The following TMCO5A variants were observed in gnomAD, a reference collection of about 807,000 sequenced individuals.
TMCO5A encodes transmembrane and coiled-coil domains 5A.
A neutral mutation model predicts 42.3 loss-of-function variants in TMCO5A; 34 were observed. That is an observed-to-expected ratio of 0.80 (90% CI 0.61 to 1.07). The LOEUF (loss-of-function observed/expected upper bound fraction) is 1.07, where lower values mean the gene tolerates loss of function less well. Among genes scored for constraint, TMCO5A ranks in the 50% least tolerant of loss-of-function variants. The pLI is 0.00. For synonymous variants in TMCO5A, 131 were observed against 115.6 expected (o/e 1.13, Z -0.86); for missense variants, 357 against 327.9 (o/e 1.09, Z -0.69).
chr15:37,969,490 T>C (rs1380911814), downstream of TMCO5A, among the ~76,000 whole-genome samples: 1 of 152,202 alleles, frequency 6.6e-6, no homozygotes, highest in Non-Finnish European at 1.5e-5. Flanking sequence ...TAAATGAGAA[T>C]ACCCAACACT....
the TMCO5A span, among the ~76,000 whole-genome samples, chr15:38,007,958 C>T: frequency 6.2e-5 from 8 of 129,174 alleles, no homozygotes; most frequent in African/African-American, 1.8e-4. Context: ...TGCAGTGGCA[C>T]GATCTCGGCT....
intron 3 of TMCO5A, 41 bp from the exon 4 acceptor site, chr15:37,936,806 G>T: frequency 3.7e-6 from 6 of 1,606,964 alleles, no homozygotes; most frequent in Non-Finnish European, 5.1e-6. Flanking sequence ...TTCTGAAACT[G>T]CCAAGCATGG....
downstream of TMCO5A, among the ~76,000 whole-genome samples, chr15:37,956,062 A>G (rs1298341449): frequency 6.6e-6 from 1 of 152,186 alleles, no homozygotes; most frequent in Admixed American, 6.6e-5. Flanking sequence ...ACAAAGACGC[A>G]ATCTACCAGA....
chr15:37,972,292 A>T (rs1173619692), downstream of TMCO5A, among the ~76,000 whole-genome samples: 1 of 152,130 alleles, frequency 6.6e-6, no homozygotes, highest in East Asian at 1.9e-4. Context: ...CATGGAAAAG[A>T]CCTGCCACCA....
At chr15:37,980,398 C>T in the TMCO5A span, among the ~76,000 whole-genome samples, 18 of 152,122 alleles carry the variant, frequency 1.2e-4, no homozygotes, top group Non-Finnish European at 2.2e-4. Context: ...TCATGTCAGT[C>T]TAGAGGCCCA....
the TMCO5A span, among the ~76,000 whole-genome samples, chr15:38,015,522 T>C: frequency 6.6e-6 from 1 of 151,244 alleles, no homozygotes; most frequent in South Asian, 2.1e-4. Context: ...CATACCCTAA[T>C]CATAAAATCT....
intron 11 of TMCO5A, among the ~76,000 whole-genome samples, chr15:37,961,919 C>T (rs575650142): frequency 1.5e-3 from 224 of 152,158 alleles, no homozygotes; most frequent in African/African-American, 5.3e-3. Flanking sequence ...ATTCTTCTAT[C>T]AGTTCTAGGA....
chr15:38,038,649 GC>G, the TMCO5A span, among the ~76,000 whole-genome samples: 6 of 152,132 alleles, frequency 3.9e-5, no homozygotes, highest in East Asian at 9.7e-4. Context: ...CTCATGATCT[GC>G]CCACCTCGGC....
chr15:38,004,302 C>A, the TMCO5A span, among the ~76,000 whole-genome samples: 2 of 151,928 alleles, frequency 1.3e-5, no homozygotes, highest in Non-Finnish European at 2.9e-5. Context: ...GTCCTCTTTA[C>A]TCTTCCCTCT....
the TMCO5A span, among the ~76,000 whole-genome samples, chr15:38,000,180 A>G: frequency 6.6e-6 from 1 of 152,122 alleles, no homozygotes; most frequent in African/African-American, 2.4e-5. Context: ...ACTTTTGATT[A>G]TGGCTTCGAT....
At chr15:37,942,078 C>A in intron 8 of TMCO5A, 113 bp from the exon 9 acceptor site, 1 of 943,746 alleles carries the variant, frequency 1.1e-6, no homozygotes, top group South Asian at 1.5e-5. Flanking sequence ...GAGAAAGTGG[C>A]AGTGGGAATA....
chr15:37,981,200 C>CAAAAAAAAAAAAAAAAA, the TMCO5A span, among the ~76,000 whole-genome samples: 12 of 65,324 alleles, frequency 1.8e-4, 1 homozygote, highest in African/African-American at 6.7e-4. Flanking sequence ...AGAAAGCCAG[C>CAAAAAAAAAAAAAAAAA]AAAAAAAAAA....
At chr15:37,964,329 GCA>G (rs1388334130) in intron 11 of TMCO5A, among the ~76,000 whole-genome samples, 1 of 152,174 alleles carries the variant, frequency 6.6e-6, no homozygotes, top group Non-Finnish European at 1.5e-5. Context: ...GGGGTTGTCT[GCA>G]CAGAGTCCTG....
the TMCO5A span, among the ~76,000 whole-genome samples, chr15:38,014,898 T>C: frequency 7.7e-6 from 1 of 130,468 alleles, no homozygotes; most frequent in African/African-American, 2.9e-5. Context: ...TATATATATA[T>C]GAGTTTATGA....
chr15:38,013,200 T>C, the TMCO5A span, among the ~76,000 whole-genome samples: 1 of 152,158 alleles, frequency 6.6e-6, no homozygotes, highest in African/African-American at 2.4e-5. Flanking sequence ...AAGATGTTGC[T>C]AAGATCACAA....
chr15:37,951,913 A>G (rs199626153), downstream of TMCO5A, among the ~76,000 whole-genome samples: 1 of 152,224 alleles, frequency 6.6e-6, no homozygotes, highest in East Asian at 1.9e-4. Context: ...CTCCAGCAGC[A>G]AGGGTGTGGT....
the TMCO5A span, among the ~76,000 whole-genome samples, chr15:37,982,893 C>T: frequency 6.6e-6 from 1 of 151,204 alleles, no homozygotes; most frequent in Non-Finnish European, 1.5e-5. Flanking sequence ...AGTCATCATA[C>T]TGCAGAAACT....
chr15:37,966,412 TGAG>T (rs1202608341), intron 11 of TMCO5A, among the ~76,000 whole-genome samples: 2 of 152,112 alleles, frequency 1.3e-5, no homozygotes, highest in South Asian at 2.1e-4. Context: ...GATAAATGCT[TGAG>T]GAGATGGGTA....
the TMCO5A span, among the ~76,000 whole-genome samples, chr15:38,031,896 C>A: frequency 4.6e-5 from 7 of 152,196 alleles, no homozygotes; most frequent in South Asian, 1.2e-3. Context: ...CTATGCCAGG[C>A]CCCCTCTGGC....
Sources: gnomAD v4.1 joint callset for allele counts (sites outside exome capture counted in the v4.1 genomes callset) on GRCh38, gnomAD v4.1.1 for gene constraint, MANE v1.5 for transcripts, NCBI Gene and HGNC (gene_info 2026-07-23, HGNC 2026-07-21) for gene names.